Variants in ACSM1 observed in about 807,000 individuals in gnomAD.
ACSM1 encodes acyl-CoA synthetase medium chain family member 1, also known as acyl-coenzyme A synthetase ACSM1, mitochondrial.
Under a neutral mutation model 75.8 loss-of-function variants are expected in ACSM1, and 79 were observed. The observed-to-expected ratio is 1.04, with a 90% CI of 0.87 to 1.26. ACSM1 has a LOEUF of 1.26. Among genes scored for constraint, ACSM1 ranks in the 50% most tolerant of loss-of-function variants. ACSM1 has a pLI of 0.00. For missense variants in ACSM1, 676 were observed against 720.1 expected (o/e 0.94, Z 0.70); for synonymous variants, 279 against 265.8 (o/e 1.05, Z -0.48).
rs538362115 is a variant in ACSM1 at position 20,647,673 on chromosome 16, C to T, written c.993-7089G>A. On this transcript the variant is annotated intron_variant, in intron 7 of 13. Transcript: ENST00000520010. ...AGGCCAACTTTTATGCTACTAATTACGATATCTAGTAATAATGATAGTAAT... is the reference window on the plus strand; with the variant it reads ...AGGCCAACTTTTATGCTACTAATTATGATATCTAGTAATAATGATAGTAAT... Among the ~76,000 whole-genome samples the T allele has an allele frequency of 1.9e-4, 29 of 151,904 alleles. No homozygotes were observed. In the South Asian group the frequency reaches 4.2e-3, roughly 22 times the overall value.
intron 4 of ACSM1, among the ~76,000 whole-genome samples, chr16:20,676,436 T>G (rs767261939): frequency 6.6e-6 from 1 of 152,208 alleles, no homozygotes; most frequent in Non-Finnish European, 1.5e-5. Context: ...GGTTGTACAC[T>G]CTGTTTAACC....
At chr16:20,655,498 T>C (rs1226900405) in intron 7 of ACSM1, among the ~76,000 whole-genome samples, 1 of 152,078 alleles carries the variant, frequency 6.6e-6, no homozygotes, top group African/African-American at 2.4e-5. Flanking sequence ...ATAACATTAA[T>C]AAAATAAATT....
rs1328650554 is a variant in ACSM1, at chr16:20,685,003, GT to G, written c.403+189del. 1.2e-4 allele frequency among the ~76,000 whole-genome samples: 19 copies of G among 152,168 alleles called. 1 individual carries two copies. Among genetic ancestry groups the G allele is most frequent in the Admixed American group, 1.2e-3 (19 of 15,268 alleles). Reference sequence around the variant, plus strand: ...AAAGGAGGTACAGAGAAGAGAAATTGTTTTGTCTCTAATTAAACTGATAATT... The same window carrying G: ...AAAGGAGGTACAGAGAAGAGAAATTGTTTGTCTCTAATTAAACTGATAATT... On this transcript the variant is annotated intron_variant, in intron 3 of 13. Transcript: ENST00000520010.
chr16:20,674,530 G>C (rs1362042698), intron 4 of ACSM1: 4 of 153,112 alleles, frequency 2.6e-5, no homozygotes, highest in Non-Finnish European at 5.8e-5. Context: ...ATCTGACTGG[G>C]TTGGCTGGTG....
chr16:20,681,811 G>C (rs973655745), intron 4 of ACSM1: 1 of 156,008 alleles, frequency 6.4e-6, no homozygotes, highest in African/African-American at 2.4e-5. Context: ...GGAAGAGAAA[G>C]AGGTGGAGTC....
At chr16:20,663,113 C>T (rs879589711) in intron 6 of ACSM1, among the ~76,000 whole-genome samples, 4 of 152,022 alleles carry the variant, frequency 2.6e-5, no homozygotes, top group Non-Finnish European at 4.4e-5. Context: ...GCTGCCCTGC[C>T]GCACCATAAT....
chr16:20,694,957 C>A (rs747157041), intron 1 of ACSM1, among the ~76,000 whole-genome samples: 2 of 152,166 alleles, frequency 1.3e-5, no homozygotes, highest in African/African-American at 2.4e-5. Flanking sequence ...TGATCTTGGA[C>A]CTCCAGCCTT....
chr16:20,661,086 A>G (rs2019276070), intron 7 of ACSM1, among the ~76,000 whole-genome samples: 1 of 152,216 alleles, frequency 6.6e-6, no homozygotes. Flanking sequence ...ATGCTTGTAC[A>G]CACCAGGGTG....
At chr16:20,634,461 A>C (rs1262229909) in intron 10 of ACSM1, among the ~76,000 whole-genome samples, 1 of 152,244 alleles carries the variant, frequency 6.6e-6, no homozygotes, top group Non-Finnish European at 1.5e-5. Context: ...ATTAAGAGAC[A>C]ACTGAGTACA....
At chr16:20,658,065 G>C (rs170897) in intron 7 of ACSM1, among the ~76,000 whole-genome samples, 50,834 of 151,964 alleles carry the variant, frequency 0.33, 9,904 homozygotes, top group East Asian at 0.65. Flanking sequence ...CCACAATAAA[G>C]ATACATGTGC....
At chr16:20,646,919 G>A (rs1418680824) in intron 7 of ACSM1, among the ~76,000 whole-genome samples, 1 of 152,180 alleles carries the variant, frequency 6.6e-6, no homozygotes, top group African/African-American at 2.4e-5. Context: ...ATAATTTTAT[G>A]GGGAAGAGCA....
At chr16:20,629,656 G>A (rs967789338) in intron 10 of ACSM1, among the ~76,000 whole-genome samples, 2 of 152,106 alleles carry the variant, frequency 1.3e-5, no homozygotes, top group African/African-American at 4.8e-5. Context: ...AATAAAACAC[G>A]ATCCAAATAT....
chr16:20,694,084 C>G (rs1252593277), intron 1 of ACSM1, among the ~76,000 whole-genome samples: 1 of 152,264 alleles, frequency 6.6e-6, no homozygotes, highest in Non-Finnish European at 1.5e-5. Flanking sequence ...GCCTGTTCCT[C>G]TTGCTTATTT....
At position 20,648,338 on chromosome 16, in the gene ACSM1, A is replaced by G. The variant is rs192067377; in HGVS notation, c.993-7754T>C. 1.3e-3 allele frequency among the ~76,000 whole-genome samples: 204 copies of G among 152,260 alleles called. No homozygotes were observed. The highest frequency in any genetic ancestry group is 3.1e-3 in the South Asian group (15 of 4,826). ...TCTTGCCACTCAACCTGATTTACCA[A>G]CATAACCTGTTTCTGGCCATGCTCT... On this transcript the variant is annotated intron_variant, in intron 7 of 13. Transcript: ENST00000520010. This position sits in a 1 kb window ranked among gnomAD's most constrained non-coding sequence, Gnocchi z 4.2.
chr16:20,650,455 T>C (rs1330531226), intron 7 of ACSM1, among the ~76,000 whole-genome samples: 1 of 151,990 alleles, frequency 6.6e-6, no homozygotes, highest in Non-Finnish European at 1.5e-5. Context: ...CAAAAATTAA[T>C]TTAAAATTGC....
chr16:20,673,715 C>T (rs942101002), intron 4 of ACSM1, among the ~76,000 whole-genome samples: 1 of 152,112 alleles, frequency 6.6e-6, no homozygotes, highest in Admixed American at 6.5e-5. Context: ...TTGGCAATTC[C>T]ATTTTTCTTG....
At chr16:20,641,670 CT>C (rs1299274808) in intron 7 of ACSM1, among the ~76,000 whole-genome samples, 4 of 152,216 alleles carry the variant, frequency 2.6e-5, no homozygotes, top group Non-Finnish European at 5.9e-5. Flanking sequence ...TGATGGCCCC[CT>C]GGTCCCACTT....
chr16:20,639,970 C>A (rs921410439), intron 8 of ACSM1, among the ~76,000 whole-genome samples: 1 of 152,208 alleles, frequency 6.6e-6, no homozygotes, highest in African/African-American at 2.4e-5. Flanking sequence ...AATTTTCCCA[C>A]TAAGAAATTC....
At chr16:20,641,119 G>C (rs1318096365) in intron 7 of ACSM1, among the ~76,000 whole-genome samples, 4 of 151,962 alleles carry the variant, frequency 2.6e-5, no homozygotes, top group Non-Finnish European at 5.9e-5. Context: ...GAAAGAGAGA[G>C]GGAGAAGCAT....
Sources: allele counts gnomAD v4.1 joint callset (sites outside exome capture counted in the v4.1 genomes callset), GRCh38; gene constraint gnomAD v4.1.1; non-coding constraint Gnocchi (gnomAD v3.1); transcripts MANE v1.5; gene names NCBI Gene and HGNC (gene_info 2026-07-23, HGNC 2026-07-21).